Variants in LRP2 observed in about 807,000 individuals in gnomAD.
The protein encoded by LRP2 is LDL receptor related protein 2, also known as low-density lipoprotein receptor-related protein 2.
A neutral mutation model predicts 531.0 loss-of-function variants in LRP2; 172 were observed. The observed-to-expected ratio is 0.32, with a 90% CI of 0.29 to 0.37. The LOEUF (loss-of-function observed/expected upper bound fraction) is 0.37. Among genes scored for constraint, LRP2 ranks in the 10% least tolerant of loss-of-function variants. The pLI is 1.00. For synonymous variants in LRP2, 1,992 were observed against 2,027.6 expected, an observed-to-expected ratio of 0.98 and a Z score of 0.47; for missense variants, 5,167 against 5,868.3, an observed-to-expected ratio of 0.88 and a Z score of 3.90.
At position 169,132,605 on chromosome 2, in the gene LRP2, T is replaced by C; in HGVS notation, c.13697A>G (p.Asn4566Ser). 1 of 1,610,356 alleles carries C rather than the reference T, an allele frequency of 6.2e-7. No homozygotes were observed. The stretch of plus-strand genomic sequence containing the variant: ...TCCATCAGCAGCTGGTGAAGTTGGG[T>C]TTGTCTCTGGAACTATCTCAGAAGG... ...INPSEIVPET[N>S]PTSPAADGTQ... The change falls in exon 77 of 79, where the codon AAC becomes AGC. Residue 4566 changes from asparagine to serine, a missense_variant. Asn to Ser is a conservative substitution (Grantham distance 46). Transcript: ENST00000649046.
intron 6 of LRP2, among the ~76,000 whole-genome samples, chr2:169,293,726 G>T (rs1574228249): frequency 6.6e-6 from 1 of 152,150 alleles, no homozygotes; most frequent in East Asian, 1.9e-4. Context: ...CAACTTTAAT[G>T]CAGCAGAAAT....
chr2:169,291,022 A>G, intron 7 of LRP2, 25 bp from the exon 8 acceptor site: 1 of 1,612,878 alleles, frequency 6.2e-7, no homozygotes, highest in Non-Finnish European at 8.5e-7. Context: ...AGAGAGAGTT[A>G]CAGGCCATAG....
intron 9 of LRP2, among the ~76,000 whole-genome samples, chr2:169,287,716 G>A (rs920938567): frequency 3.3e-5 from 5 of 151,394 alleles, no homozygotes; most frequent in Middle Eastern, 3.2e-3. Context: ...AAGATTAGCT[G>A]TATTTGACAA....
intron 4 of LRP2, among the ~76,000 whole-genome samples, chr2:169,303,414 C>T (rs1252585623): frequency 6.6e-6 from 1 of 152,112 alleles, no homozygotes; most frequent in Non-Finnish European, 1.5e-5. Flanking sequence ...TCCTCATACC[C>T]ACCTTGCAGC....
Position 169,294,710 on chromosome 2 carries a change from T to C in LRP2, c.428A>G (p.Gln143Arg). ...CPDGADENDC[Q>R]YPTCEQLTCD... ...AGTAAGCTGCTCACATGTTGGGTAC[T>C]CTATTGTAAAAAAAAAAAAAAAAAA... Residue 143 changes from glutamine (Q) to arginine (R), a missense_variant and splice_region_variant, in exon 5 of 79, where the codon CAG (glutamine) becomes CGG (arginine). Around this residue, in one of 6 missense-constraint regions of LRP2, gnomAD observed 2,811 missense variants for 3,058.0 expected, o/e 0.92. Transcript: ENST00000649046. The C allele has an allele frequency of 3.0e-6, 3 of 988,928 alleles. No individual in the cohort carries two copies. Among genetic ancestry groups the C allele is most frequent in the Non-Finnish European group, 4.5e-6 (3 of 673,104 alleles). The allele number at this position is 988,928 out of a possible 1,614,324, so 61.3% of individuals were successfully genotyped here.
chr2:169,162,952 A>G (rs142449454), intron 62 of LRP2, among the ~76,000 whole-genome samples: 9 of 152,394 alleles, frequency 5.9e-5, no homozygotes, highest in Non-Finnish European at 1.3e-4. Context: ...ATAAGGCTTC[A>G]TTATGTTACA....
intron 62 of LRP2, among the ~76,000 whole-genome samples, chr2:169,163,391 G>A (rs947912063): frequency 6.6e-6 from 1 of 152,136 alleles, no homozygotes; most frequent in African/African-American, 2.4e-5. Flanking sequence ...AAAGCCACCT[G>A]TATCTACATC....
chr2:169,331,450 C>A (rs1242155068), intron 1 of LRP2, among the ~76,000 whole-genome samples: 3 of 152,136 alleles, frequency 2.0e-5, no homozygotes, highest in Non-Finnish European at 4.4e-5. Flanking sequence ...TTCTGTGCTC[C>A]CCCTGAATAG....
intron 42 of LRP2, 48 bp from the exon 43 acceptor site, chr2:169,203,007 G>A (rs756955436): frequency 2.5e-5 from 38 of 1,510,518 alleles, no homozygotes; most frequent in Middle Eastern, 2.1e-4. Context: ...TGCAGCCACC[G>A]TTCACATTGA....
At position 169,187,955 on chromosome 2, in the gene LRP2, C is replaced by T. The variant is rs764164741; in HGVS notation, c.9328+15G>A. 66 of 1,613,692 alleles carry T rather than the reference C, an allele frequency of 4.1e-5. No individual in the cohort carries two copies. The highest frequency in any genetic ancestry group is 5.3e-5 in the Non-Finnish European group (63 of 1,179,816). ...CTCCCCTGTTTCCTTTTCCCAAATC[C>T]TCTGTTGTACTCACCACAGCCTTTC... On this transcript the variant is annotated intron_variant, in intron 49 of 78. Coordinates refer to ENST00000649046, the MANE Select transcript of LRP2 (RefSeq NM_004525.3).
At chr2:169,344,835 G>A (rs1414024354) in intron 1 of LRP2, among the ~76,000 whole-genome samples, 1 of 152,090 alleles carries the variant, frequency 6.6e-6, no homozygotes, top group Admixed American at 6.6e-5. Context: ...GTGTCCTTAA[G>A]CCTGACTTTT....
rs1689948899 is a variant in LRP2, at chr2:169,244,930, T to G, written c.3193A>C (p.Asn1065His). The change falls in exon 22 of 79, where the codon AAT becomes CAT. Residue 1065 changes from asparagine to histidine, a missense_variant and splice_region_variant. Coordinates refer to ENST00000649046, the MANE Select transcript of LRP2 (RefSeq NM_004525.3). ...SDEQLCGTLN[N>H]TCSSSAFTCG... Reference sequence around the variant, plus strand: ...GTGAACGCCGAAGATGAACAGGTATTATCTACAATAGTAACAAACTGGTCA... The same window carrying G: ...GTGAACGCCGAAGATGAACAGGTATGATCTACAATAGTAACAAACTGGTCA... 2.5e-6 allele frequency: 4 copies of G among 1,614,212 alleles called. No individual in the cohort carries two copies. Among genetic ancestry groups the G allele is most frequent in the Non-Finnish European group, 3.4e-6 (4 of 1,180,022 alleles).
At chr2:169,286,376 C>A (rs1417811828) in intron 9 of LRP2, among the ~76,000 whole-genome samples, 2 of 152,206 alleles carry the variant, frequency 1.3e-5, no homozygotes, top group Non-Finnish European at 2.9e-5. Context: ...AAAATTAGTG[C>A]CCCGGTATTA....
At chr2:169,205,689 T>C (rs1048845361) in intron 40 of LRP2, 52 bp from the exon 41 acceptor site, 11 of 1,444,764 alleles carry the variant, frequency 7.6e-6, no homozygotes, top group Admixed American at 1.8e-5. Flanking sequence ...CTCATAGTCC[T>C]TTAAAAAAAA....
chr2:169,128,369 G>A lies in LRP2; in HGVS notation c.*294C>T. Reference sequence around the variant, plus strand: ...ACCAAATCAGCAGACATCTTTATTAGCAAATTCAGTAACAGGATAATCTTT... The same window carrying A: ...ACCAAATCAGCAGACATCTTTATTAACAAATTCAGTAACAGGATAATCTTT... On this transcript the variant is annotated 3_prime_UTR_variant, in exon 79 of 79. Coordinates refer to ENST00000649046, the MANE Select transcript of LRP2 (RefSeq NM_004525.3). The A allele has an allele frequency of 3.7e-6, 1 of 268,924 alleles. No homozygotes were observed. The highest frequency in any genetic ancestry group is 4.3e-5 in the South Asian group (1 of 23,282). The allele number at this position is 268,924 out of a possible 1,614,324, so 16.7% of individuals were successfully genotyped here.
intron 58 of LRP2, 116 bp from the exon 59 acceptor site, chr2:169,170,783 A>G (rs1686967998): frequency 2.6e-6 from 2 of 784,190 alleles, no homozygotes; most frequent in Admixed American, 3.5e-5. Context: ...CCCAAGCCCC[A>G]GAGGTGTGCT....
chr2:169,359,758 C>A (rs755195680), intron 1 of LRP2, among the ~76,000 whole-genome samples: 1 of 152,042 alleles, frequency 6.6e-6, no homozygotes, highest in Non-Finnish European at 1.5e-5. Flanking sequence ...TGCATATTGC[C>A]CCTCAGCTTC....
chr2:169,206,742 C>A lies in LRP2; in HGVS notation c.6978G>T (p.Val2326=). The change falls in exon 39 of 79, where the codon GTG becomes GTT. Residue 2326 remains valine (V), a synonymous_variant. Coordinates refer to ENST00000649046, the MANE Select transcript of LRP2 (RefSeq NM_004525.3). ...IRDNINWLRD[V]TIFDKQVQPR... ...GCTGGACTTGCTTGTCAAAGATGGT[C>A]ACATCTCTTAGCCAGTTGATATTGT... 1.2e-6 allele frequency: 2 copies of A among 1,614,116 alleles called. No homozygotes were observed. The highest frequency in any genetic ancestry group is 1.7e-6 in the Non-Finnish European group (2 of 1,180,026).
intron 3 of LRP2, among the ~76,000 whole-genome samples, chr2:169,307,888 A>T (rs1684469022): frequency 1.3e-5 from 2 of 152,190 alleles, no homozygotes; most frequent in Non-Finnish European, 2.9e-5. Context: ...TCAATTTTAT[A>T]AAGAGAAAAA....
Sources: allele counts gnomAD v4.1 joint callset (sites outside exome capture counted in the v4.1 genomes callset), GRCh38; gene constraint gnomAD v4.1.1; regional missense constraint gnomAD v4.1.1; transcripts MANE v1.5; gene names NCBI Gene and HGNC (gene_info 2026-07-23, HGNC 2026-07-21).